The following DAB2IP variants were observed in gnomAD, a reference collection of about 807,000 sequenced individuals.
DAB2IP encodes DAB2 interacting protein.
In DAB2IP, 28 loss-of-function variants were observed where a neutral mutation model predicts 107.2. That is an observed-to-expected ratio of 0.26 (90% CI 0.19 to 0.36). DAB2IP has a LOEUF of 0.36. Ranked by LOEUF, DAB2IP falls within the 10% of genes least tolerant of loss-of-function variation. The pLI is 1.00. For missense variants in DAB2IP, 1,400 were observed against 1,644.7 expected (o/e 0.85, Z 2.57); for synonymous variants, 755 against 706.4 (o/e 1.07, Z -1.09).
At chr9:121,588,746 A>G (rs1278918769) in intron 1 of DAB2IP, among the ~76,000 whole-genome samples, 1 of 151,934 alleles carries the variant, frequency 6.6e-6, no homozygotes, top group African/African-American at 2.4e-5. Flanking sequence ...GCCCCTTCAG[A>G]GTCATCCTGA....
intron 1 of DAB2IP, among the ~76,000 whole-genome samples, chr9:121,577,599 C>G (rs1315315113): frequency 6.6e-6 from 1 of 152,194 alleles, no homozygotes; most frequent in East Asian, 1.9e-4. Flanking sequence ...CTAGAAAAGC[C>G]ACAGCCAGGG....
chr9:121,617,706 TGAGGAAATC>T (rs1831326693), intron 1 of DAB2IP, among the ~76,000 whole-genome samples: 1 of 152,214 alleles, frequency 6.6e-6, no homozygotes, highest in Admixed American at 6.5e-5. Flanking sequence ...ATTTTACAGA[TGAGGAAATC>T]GAGGCCCAGG....
At chr9:121,622,999 G>A (rs527821375) in intron 1 of DAB2IP, among the ~76,000 whole-genome samples, 2 of 151,426 alleles carry the variant, frequency 1.3e-5, no homozygotes, top group East Asian at 3.9e-4. Flanking sequence ...TGGGTGCCTG[G>A]GGGTGTGCAC....
intron 1 of DAB2IP, among the ~76,000 whole-genome samples, chr9:121,641,639 G>A (rs1832288886): frequency 6.6e-6 from 1 of 152,084 alleles, no homozygotes; most frequent in Admixed American, 6.6e-5. Context: ...TTCCTTCACG[G>A]TCAGGATTTG....
At chr9:121,661,505 A>G (rs542273745) in intron 1 of DAB2IP, among the ~76,000 whole-genome samples, 17 of 151,980 alleles carry the variant, frequency 1.1e-4, no homozygotes, top group Non-Finnish European at 2.2e-4. Context: ...CCCCTCCCCC[A>G]CTTTGGCAAT....
At position 121,605,849 on chromosome 9, in the gene DAB2IP, G is replaced by A. The variant is rs149935658; in HGVS notation, c.40+38621G>A. Among the ~76,000 whole-genome samples the A allele has an allele frequency of 6.6e-5, 10 of 152,232 alleles. No homozygotes were observed. In the East Asian group the frequency reaches 1.5e-3, roughly 24 times the overall value. On this transcript the variant is annotated intron_variant, in intron 1 of 16. Coordinates refer to the DAB2IP transcript ENST00000259371. ...GAGTGTTTAAAAAGTACTTGTGAAG[G>A]GCCTGTGGGGGTTATTGGGATTGTG...
chr9:121,661,439 G>A (rs778463378), intron 1 of DAB2IP, among the ~76,000 whole-genome samples: 1 of 152,068 alleles, frequency 6.6e-6, no homozygotes, highest in Non-Finnish European at 1.5e-5. Flanking sequence ...TCCCCATCAG[G>A]AGCAGCCTCT....
intron 5 of DAB2IP, among the ~76,000 whole-genome samples, chr9:121,759,671 C>T (rs895144790): frequency 2.0e-5 from 3 of 152,186 alleles, no homozygotes; most frequent in African/African-American, 7.2e-5. Context: ...AGTTAAGTTG[C>T]TTGCCCAAGG....
In DAB2IP at chr9:121,782,728, A is replaced by G. The variant is rs1261583718; in HGVS notation, c.*230A>G. 7.2e-7 allele frequency: 1 copy of G among 1,388,654 alleles called. No homozygotes were observed. Among genetic ancestry groups the G allele is most frequent in the African/African-American group, 1.5e-5 (1 of 68,910 alleles). The allele number at this position is 1,388,654 out of a possible 1,614,324, so 86.0% of individuals were successfully genotyped here. On this transcript the variant is annotated 3_prime_UTR_variant, in exon 16 of 16. Transcript: ENST00000408936. This position sits in a 1 kb window ranked among gnomAD's most constrained non-coding sequence, Gnocchi z 6.1. ...TCCCTGTGGGGTGCGGGCAGAAGAG[A>G]CTGCACGCTGGGGAGTGGGGACAGC...
At chr9:121,779,818 C>T (rs750842496) in intron 14 of DAB2IP, among the ~76,000 whole-genome samples, 3 of 152,236 alleles carry the variant, frequency 2.0e-5, no homozygotes, top group Admixed American at 6.5e-5. Context: ...AACCCCCACT[C>T]GGGAGCTATG....
Position 121,776,294 on chromosome 9 carries a change from C to T in DAB2IP, c.3217C>T (p.Leu1073=). Residue 1073 remains leucine (L), a synonymous_variant, in exon 14 of 16, where the codon CTG becomes TTG. Coordinates refer to ENST00000408936, the Ensembl canonical transcript of DAB2IP. The surrounding 1 kb of genome is among the most constrained non-coding windows in gnomAD (Gnocchi z 5.4). ...GTGCCAGGAGGAGACGACGCAGAAG[C>T]TGGTGCTGGAGTACCAGGCACGGCT... 6.3e-7 allele frequency: 1 copy of T among 1,576,834 alleles called. No homozygotes were observed. The highest frequency in any genetic ancestry group is 8.6e-7 in the Non-Finnish European group (1 of 1,161,254).
chr9:121,569,105 GC>G (rs1270529731), intron 1 of DAB2IP, among the ~76,000 whole-genome samples: 1 of 152,204 alleles, frequency 6.6e-6, no homozygotes, highest in African/African-American at 2.4e-5. Flanking sequence ...GAGGGGTCTG[GC>G]TTTTCCAGCC....
At chr9:121,604,023 A>G (rs1204378462) in intron 1 of DAB2IP, among the ~76,000 whole-genome samples, 1 of 151,884 alleles carries the variant, frequency 6.6e-6, no homozygotes, top group East Asian at 1.9e-4. Flanking sequence ...AAGCCCAGGG[A>G]AGGGGGAGGT....
At chr9:121,582,188 C>A (rs947973315) in intron 1 of DAB2IP, among the ~76,000 whole-genome samples, 5 of 152,146 alleles carry the variant, frequency 3.3e-5, no homozygotes, top group Non-Finnish European at 5.9e-5. Flanking sequence ...CACAAACGGG[C>A]CATTTTCAGC....
intron 3 of DAB2IP, among the ~76,000 whole-genome samples, chr9:121,733,829 G>A (rs550905949): frequency 3.9e-5 from 6 of 152,236 alleles, no homozygotes; most frequent in Non-Finnish European, 7.3e-5. Flanking sequence ...GAAAGGCGGG[G>A]CATGCACTGG....
At chr9:121,576,121 C>G (rs1830051357) in intron 1 of DAB2IP, 1 of 152,230 alleles carries the variant, frequency 6.6e-6, no homozygotes, top group Non-Finnish European at 1.5e-5. Flanking sequence ...GGCTGTCCAT[C>G]TCTACCTGCC....
upstream of DAB2IP, among the ~76,000 whole-genome samples, chr9:121,651,302 C>G (rs1832727644): frequency 6.6e-6 from 1 of 152,198 alleles, no homozygotes; most frequent in Non-Finnish European, 1.5e-5. This position sits in a 1 kb window ranked among gnomAD's most constrained non-coding sequence, Gnocchi z 5.1. Flanking sequence ...TGAAGGTGAC[C>G]GTCCCCAAGC....
intron 14 of DAB2IP, among the ~76,000 whole-genome samples, chr9:121,780,439 G>A (rs1163434134): frequency 6.6e-6 from 1 of 152,168 alleles, no homozygotes. Flanking sequence ...GTGGCTCCCT[G>A]TGTGTCTTCT....
At chr9:121,623,008 A>G (rs1564117460) in intron 1 of DAB2IP, among the ~76,000 whole-genome samples, 1 of 152,198 alleles carries the variant, frequency 6.6e-6, no homozygotes. Context: ...GGGGGTGTGC[A>G]CGTGGGGCAC....
Sources: allele counts gnomAD v4.1 joint callset (sites outside exome capture counted in the v4.1 genomes callset), GRCh38; gene constraint gnomAD v4.1.1; non-coding constraint Gnocchi (gnomAD v3.1); transcripts MANE v1.5; gene names NCBI Gene and HGNC (gene_info 2026-07-23, HGNC 2026-07-21).